The following PPIP5K1 variants were observed in gnomAD, a reference collection of about 807,000 sequenced individuals.
The protein encoded by PPIP5K1 is inositol hexakisphosphate and diphosphoinositol-pentakisphosphate kinase 1.
In PPIP5K1, 6 loss-of-function variants were observed where a neutral mutation model predicts 27.7. The observed-to-expected ratio is 0.22, with a 90% CI of 0.12 to 0.43. PPIP5K1 has a LOEUF of 0.43. Among genes scored for constraint, PPIP5K1 ranks in the 20% least tolerant of loss-of-function variants. The probability of loss-of-function intolerance (pLI) is 1.00; values close to 1 mark genes in which losing one functional copy is unlikely to be tolerated. For synonymous variants in PPIP5K1, 145 were observed against 242.6 expected, an observed-to-expected ratio of 0.60 and a Z score of 3.74; for missense variants, 394 against 635.4, an observed-to-expected ratio of 0.62 and a Z score of 4.08.
rs879324680 is a variant in PPIP5K1 at position 43,554,630 on chromosome 15, CACAG to C, written c.3556+4161_3556+4164del. Among the ~76,000 whole-genome samples the C allele has an allele frequency of 9.9e-3, 1,379 of 138,654 alleles. 14 individuals carry two copies. Among genetic ancestry groups the C allele is most frequent in the Middle Eastern group, 0.032 (8 of 250 alleles). 91.0% of individuals were successfully genotyped at this position (138,654 alleles called of 152,430 possible). On this transcript the variant is annotated intron_variant, in intron 30 of 31. Transcript: ENST00000420765. The stretch of plus-strand genomic sequence containing the variant: ...ATAAGACACCTGGCATACACACACA[CACAG>C]ACACACACACACACACACACACACA...
chr15:43,549,730 G>A (rs915668235), intron 30 of PPIP5K1, among the ~76,000 whole-genome samples: 3 of 152,132 alleles, frequency 2.0e-5, no homozygotes, highest in African/African-American at 7.2e-5. Context: ...CAGCACTTTG[G>A]GAGGCTGAGG....
chr15:43,545,756 C>A (rs2081296922), intron 30 of PPIP5K1, among the ~76,000 whole-genome samples: 1 of 152,088 alleles, frequency 6.6e-6, no homozygotes, highest in East Asian at 1.9e-4. Flanking sequence ...ACTTTTAGTA[C>A]TTGCATGGTT....
chr15:43,545,019 A>T (rs1010681506), intron 30 of PPIP5K1, among the ~76,000 whole-genome samples: 3 of 151,926 alleles, frequency 2.0e-5, no homozygotes, highest in African/African-American at 7.3e-5. Context: ...CCTACTAAAA[A>T]TACAAATAAT....
chr15:43,555,538 A>T (rs1186814078), intron 30 of PPIP5K1, among the ~76,000 whole-genome samples: 1 of 151,674 alleles, frequency 6.6e-6, no homozygotes, highest in African/African-American at 2.4e-5. Context: ...TGCCAGCCTC[A>T]GCCTCCCAAA....
At chr15:43,537,830 A>G (rs1172871728) in intron 31 of PPIP5K1, among the ~76,000 whole-genome samples, 3 of 150,678 alleles carry the variant, frequency 2.0e-5, no homozygotes, top group African/African-American at 7.3e-5. Flanking sequence ...GTGAGGCTAC[A>G]CACCTGATAC....
At chr15:43,545,054 T>C (rs1273880450) in intron 30 of PPIP5K1, among the ~76,000 whole-genome samples, 1 of 150,784 alleles carries the variant, frequency 6.6e-6, no homozygotes, top group Non-Finnish European at 1.5e-5. Context: ...GGTGGGCGCC[T>C]GTAGTCCCAG....
At chr15:43,554,232 G>C (rs1346806835) in intron 30 of PPIP5K1, among the ~76,000 whole-genome samples, 1 of 152,128 alleles carries the variant, frequency 6.6e-6, no homozygotes, top group East Asian at 1.9e-4. Context: ...CATGTATTTT[G>C]GGGCTCCGTT....
intron 30 of PPIP5K1, among the ~76,000 whole-genome samples, chr15:43,552,447 T>C (rs921868980): frequency 6.7e-6 from 1 of 149,780 alleles, no homozygotes; most frequent in African/African-American, 2.5e-5. Flanking sequence ...GGCTCATGCC[T>C]GTAATCCTAG....
At position 43,534,627 on chromosome 15, in the gene PPIP5K1, C is replaced by G. The variant is rs764934280; in HGVS notation, c.*47G>C. On this transcript the variant is annotated 3_prime_UTR_variant, in exon 32 of 32. Coordinates refer to ENST00000420765, the MANE Select transcript of PPIP5K1 (RefSeq NM_001394395.1). ...AGATGGATGCTGGGCTTGAGGAATA[C>G]CCTCTCCAGGCAGCTGATCAATCAC... The G allele has an allele frequency of 5.5e-5, 82 of 1,478,378 alleles. No individual in the cohort carries two copies. Among genetic ancestry groups the G allele is most frequent in the Non-Finnish European group, 7.4e-5 (82 of 1,105,962 alleles). The allele number at this position is 1,478,378 out of a possible 1,614,324, so 91.6% of individuals were successfully genotyped here.
chr15:43,534,609 T>C lies in PPIP5K1; in HGVS notation c.*65A>G, dbSNP rs2079579514. On this transcript the variant is annotated 3_prime_UTR_variant, in exon 32 of 32. Coordinates refer to ENST00000420765, the MANE Select transcript of PPIP5K1 (RefSeq NM_001394395.1). ...CTGAGGGTTTGGATCACCAGATGGATGCTGGGCTTGAGGAATACCCTCTCC... is the reference window on the plus strand; with the variant it reads ...CTGAGGGTTTGGATCACCAGATGGACGCTGGGCTTGAGGAATACCCTCTCC... 2 of 1,410,596 alleles carry C rather than the reference T, an allele frequency of 1.4e-6. No homozygotes were observed. The highest frequency in any genetic ancestry group is 2.9e-5 in the African/African-American group (2 of 69,706). The allele number at this position is 1,410,596 out of a possible 1,614,324, so 87.4% of individuals were successfully genotyped here.
rs528690074 is a variant in PPIP5K1, at chr15:43,558,922, C to T, written c.3429G>A (p.Gly1143=). 15 of 1,613,494 alleles carry T rather than the reference C, an allele frequency of 9.3e-6. No individual in the cohort carries two copies. Among genetic ancestry groups the T allele is most frequent in the Admixed American group, 1.7e-5 (1 of 60,012 alleles). The change falls in exon 30 of 32, where the codon GGG becomes GGA. Residue 1143 remains glycine (G), a synonymous_variant. Coordinates refer to ENST00000420765, the MANE Select transcript of PPIP5K1 (RefSeq NM_001394395.1). ...GGTAGATGGTAGGCACCATGGAACA[C>T]CCTTCAAACCCTGTTTGAAAAGAGA... ...DDPECLYGFE[G]CSMVPTIYPL... is the part of the protein sequence containing the mutation.
chr15:43,558,566 A>G (rs1001051832), intron 30 of PPIP5K1, among the ~76,000 whole-genome samples: 3 of 151,842 alleles, frequency 2.0e-5, no homozygotes, highest in Non-Finnish European at 4.4e-5. Flanking sequence ...CATCTTGGCC[A>G]GGCTTGTCTC....
chr15:43,534,614 G>A lies in PPIP5K1; in HGVS notation c.*60C>T. ...GGTTTGGATCACCAGATGGATGCTG[G>A]GCTTGAGGAATACCCTCTCCAGGCA... On this transcript the variant is annotated 3_prime_UTR_variant, in exon 32 of 32. Transcript: ENST00000420765. 1 of 1,434,774 alleles carries A rather than the reference G, an allele frequency of 7.0e-7. No individual in the cohort carries two copies. Among genetic ancestry groups the A allele is most frequent in the Non-Finnish European group, 9.4e-7 (1 of 1,068,660 alleles). The allele number at this position is 1,434,774 out of a possible 1,614,324, so 88.9% of individuals were successfully genotyped here.
chr15:43,558,723 C>T (rs2083372014), intron 30 of PPIP5K1, 72 bp downstream of exon 30: 10 of 1,578,352 alleles, frequency 6.3e-6, no homozygotes, highest in Non-Finnish European at 8.6e-6. Flanking sequence ...TTCTAATTTA[C>T]TACTTTCTTA....
At chr15:43,557,821 T>C (rs548642809) in intron 30 of PPIP5K1, among the ~76,000 whole-genome samples, 4 of 148,930 alleles carry the variant, frequency 2.7e-5, no homozygotes, top group South Asian at 2.1e-4. Context: ...CACACCACCA[T>C]GCATAGCCTT....
At position 43,535,335 on chromosome 15, in the gene PPIP5K1, A is replaced by C. The variant is rs1480924887; in HGVS notation, c.3812T>G (p.Leu1271Arg). 6.2e-7 allele frequency: 1 copy of C among 1,614,044 alleles called. No homozygotes were observed. Among genetic ancestry groups the C allele is most frequent in the Non-Finnish European group, 8.5e-7 (1 of 1,180,032 alleles). The stretch of plus-strand genomic sequence containing the variant: ...TGCTCCACTCCCAGGGGTCTCCTGG[A>C]GCAGCCCAAGGCCTTGATGTTCTTC... ...VAEEHQGLGL[L>R]QETPGSGAQE... Residue 1271 changes from leucine (L) to arginine (R), a missense_variant, in exon 32 of 32, where the codon CTC (leucine) becomes CGC (arginine). Leu to Arg is a moderately radical substitution (Grantham distance 102, BLOSUM62 -2). Transcript: ENST00000420765.
At chr15:43,557,677 CTT>C (rs2083169810) in intron 30 of PPIP5K1, among the ~76,000 whole-genome samples, 1 of 151,484 alleles carries the variant, frequency 6.6e-6, no homozygotes, top group African/African-American at 2.4e-5. Context: ...CTCTCTCTCT[CTT>C]TTGTGGTAAC....
intron 30 of PPIP5K1, among the ~76,000 whole-genome samples, chr15:43,555,743 C>A (rs955041890): frequency 6.6e-6 from 1 of 151,914 alleles, no homozygotes; most frequent in East Asian, 1.9e-4. Context: ...GTAGCTGGGA[C>A]TACAGGTGCA....
chr15:43,558,960 A>G, intron 29 of PPIP5K1, 28 bp from the exon 30 acceptor site: 1 of 1,611,158 alleles, frequency 6.2e-7, no homozygotes, highest in South Asian at 1.1e-5. Context: ...GGCAAAGTCA[A>G]TGTTACTCCT....
Sources: allele counts gnomAD v4.1 joint callset (sites outside exome capture counted in the v4.1 genomes callset), GRCh38; gene constraint gnomAD v4.1.1; transcripts MANE v1.5; gene names NCBI Gene and HGNC (gene_info 2026-07-23, HGNC 2026-07-21).